Variants in XPO4 observed in about 807,000 individuals in gnomAD.
XPO4 encodes the protein exportin-4.
Under a neutral mutation model 143.0 loss-of-function variants are expected in XPO4, and 39 were observed. The ratio of observed to expected loss-of-function variants is 0.27; its 90% CI spans 0.21 to 0.36. The LOEUF (loss-of-function observed/expected upper bound fraction) is 0.36. Among genes scored for constraint, XPO4 ranks in the 10% least tolerant of loss-of-function variants. The pLI is 1.00. For missense variants in XPO4, 907 were observed against 1,348.0 expected, an observed-to-expected ratio of 0.67 and a Z score of 5.12; for synonymous variants, 439 against 474.0, an observed-to-expected ratio of 0.93 and a Z score of 0.96.
At chr13:20,786,209 G>A (rs1395612314) in intron 22 of XPO4, among the ~76,000 whole-genome samples, 1 of 151,690 alleles carries the variant, frequency 6.6e-6, no homozygotes, top group Non-Finnish European at 1.5e-5. Context: ...TCTTTAAATA[G>A]TATGGAAGAC....
chr13:20,874,785 G>A (rs975011474), intron 1 of XPO4, among the ~76,000 whole-genome samples: 1 of 152,144 alleles, frequency 6.6e-6, no homozygotes, highest in East Asian at 1.9e-4. Context: ...CTGAGGTCAG[G>A]AGTTCGAGAC....
rs2059427892 is a variant in XPO4 at position 20,801,194 on chromosome 13, G to C, written c.1818-204C>G. Reference sequence around the variant, plus strand: ...CGAAGCAGGAGACAAGATAAGGAAAGGAAGAGTCAACACTAGAGATGTCCT... The same window carrying C: ...CGAAGCAGGAGACAAGATAAGGAAACGAAGAGTCAACACTAGAGATGTCCT... On this transcript the variant is annotated intron_variant, in intron 13 of 22. Coordinates refer to ENST00000255305, the MANE Select transcript of XPO4 (RefSeq NM_022459.5). 3.9e-5 allele frequency among the ~76,000 whole-genome samples: 6 copies of C among 152,192 alleles called. No homozygotes were observed. In the South Asian group the frequency reaches 1.0e-3, roughly 26 times the overall value.
chr13:20,871,682 TATC>T (rs1256078664), intron 1 of XPO4, among the ~76,000 whole-genome samples: 2 of 152,230 alleles, frequency 1.3e-5, no homozygotes, highest in African/African-American at 4.8e-5. Context: ...CATTCTTTCT[TATC>T]ATCCTTGAAA....
At chr13:20,817,151 C>T (rs1254757747) in intron 9 of XPO4, among the ~76,000 whole-genome samples, 1 of 152,224 alleles carries the variant, frequency 6.6e-6, no homozygotes, top group Non-Finnish European at 1.5e-5. Flanking sequence ...ACTGTACGGA[C>T]ACAACCATCC....
intron 7 of XPO4, among the ~76,000 whole-genome samples, chr13:20,825,328 G>GAT (rs1466068917): frequency 6.6e-6 from 1 of 152,164 alleles, no homozygotes; most frequent in Non-Finnish European, 1.5e-5. Flanking sequence ...TAGCACAAGT[G>GAT]ATATCCAGTG....
At chr13:20,820,290 T>C (rs1315054619) in intron 9 of XPO4, among the ~76,000 whole-genome samples, 3 of 152,218 alleles carry the variant, frequency 2.0e-5, no homozygotes, top group Admixed American at 6.5e-5. Flanking sequence ...AAGATGTCAG[T>C]GTCCTCAAAT....
intron 9 of XPO4, among the ~76,000 whole-genome samples, chr13:20,818,444 G>A (rs542910210): frequency 8.5e-5 from 13 of 152,178 alleles, no homozygotes; most frequent in Admixed American, 2.0e-4. Flanking sequence ...GCTACACAAC[G>A]TTACCACCAT....
At position 20,866,057 on chromosome 13, in the gene XPO4, T is replaced by A. The variant is rs2138129644; in HGVS notation, c.175+2539A>T. The stretch of plus-strand genomic sequence containing the variant: ...GCCACAAAGTTAGCTCCAGAAGAAG[T>A]AAGCCAATCCCTCACAGTTCTTGAT... On this transcript the variant is annotated intron_variant, in intron 2 of 22. Transcript: ENST00000255305. 3.0e-6 allele frequency: 3 copies of A among 985,408 alleles called. No homozygotes were observed. The African/African-American group carries it at 5.2e-5, about 17-fold the overall frequency. The allele number at this position is 985,408 out of a possible 1,614,324, so 61.0% of individuals were successfully genotyped here. A position where few individuals can be genotyped will look rare whatever the true frequency, so the allele number is the denominator to read the frequency against.
At position 20,803,554 on chromosome 13, in the gene XPO4, T is replaced by C. The variant is rs978789899; in HGVS notation, c.1818-2564A>G. ...CAAGACTACGTAGGAAAATGCTTCC[T>C]AACTTGCCTTGTCACCCTTTAAATT... On this transcript the variant is annotated intron_variant, in intron 13 of 22. Transcript: ENST00000255305. This position sits in a 1 kb window ranked among gnomAD's most constrained non-coding sequence, Gnocchi z 4.1. Among the ~76,000 whole-genome samples the C allele has an allele frequency of 6.6e-6, 1 of 152,206 alleles. No individual in the cohort carries two copies. Among genetic ancestry groups the C allele is most frequent in the African/African-American group, 2.4e-5 (1 of 41,454 alleles).
At chr13:20,841,742 T>C (rs1232347229) in intron 6 of XPO4, among the ~76,000 whole-genome samples, 2 of 152,008 alleles carry the variant, frequency 1.3e-5, no homozygotes, top group Non-Finnish European at 1.5e-5. Context: ...TTAAATGTCA[T>C]AATTTTACCA....
intron 21 of XPO4, 61 bp downstream of exon 21, chr13:20,787,420 T>C (rs932181832): frequency 1.4e-6 from 2 of 1,459,576 alleles, no homozygotes; most frequent in African/African-American, 2.8e-5. Context: ...TGCAGAATTA[T>C]GTGCACCGAC....
At chr13:20,840,701 A>C (rs1169179644) in intron 6 of XPO4, among the ~76,000 whole-genome samples, 1 of 152,164 alleles carries the variant, frequency 6.6e-6, no homozygotes, top group African/African-American at 2.4e-5. Flanking sequence ...GATTTCCCTA[A>C]TGAGTGCTAA....
intron 6 of XPO4, among the ~76,000 whole-genome samples, chr13:20,832,832 T>G (rs1408327454): frequency 2.0e-5 from 3 of 152,134 alleles, no homozygotes; most frequent in Non-Finnish European, 4.4e-5. Flanking sequence ...AAGGTTGGCT[T>G]TACTGGAAAT....
intron 4 of XPO4, among the ~76,000 whole-genome samples, chr13:20,855,126 C>CA (rs2060129312): frequency 1.3e-5 from 2 of 151,970 alleles, no homozygotes; most frequent in African/African-American, 4.8e-5. Flanking sequence ...AACGAAAAAG[C>CA]AAAGTACACT....
rs2060059382 is a variant in XPO4 at position 20,849,174 on chromosome 13, G to A, written c.457-5288C>T. On this transcript the variant is annotated intron_variant, in intron 4 of 22. Coordinates refer to ENST00000255305, the MANE Select transcript of XPO4 (RefSeq NM_022459.5). The stretch of plus-strand genomic sequence containing the variant: ...TTATAATAGCCTGGCTCTTACCCCA[G>A]GAGCTTTATTACCAAGAATAAACTT... 5 of 985,222 alleles carry A rather than the reference G, an allele frequency of 5.1e-6. No individual in the cohort carries two copies. In the African/African-American group the frequency reaches 5.2e-5, roughly 10 times the overall value. 61.0% of individuals were successfully genotyped at this position (985,222 alleles called of 1,614,324 possible).
chr13:20,788,403 A>C, intron 20 of XPO4, 83 bp downstream of exon 20: 1 of 1,531,150 alleles, frequency 6.5e-7, no homozygotes, highest in South Asian at 1.2e-5. Flanking sequence ...AAAAATGAAA[A>C]ATGTAAACTT....
Position 20,827,199 on chromosome 13 carries a change from A to C in XPO4, c.728-20T>G. ...TGCCCAGTTATTTGGTGTCAAGGTCAACAACAATAACATTCTTACTTTGTC... is the reference window on the plus strand; with the variant it reads ...TGCCCAGTTATTTGGTGTCAAGGTCCACAACAATAACATTCTTACTTTGTC... On this transcript the variant is annotated intron_variant, in intron 6 of 22. Transcript: ENST00000255305. 2 of 1,493,656 alleles carry C rather than the reference A, an allele frequency of 1.3e-6. No individual in the cohort carries two copies. Among genetic ancestry groups the C allele is most frequent in the Non-Finnish European group, 1.9e-6 (2 of 1,070,534 alleles). The allele number at this position is 1,493,656 out of a possible 1,614,324, so 92.5% of individuals were successfully genotyped here.
Position 20,808,565 on chromosome 13 carries a change from C to T in XPO4, c.1510G>A (p.Val504Ile), listed in dbSNP as rs531698535. 2 of 1,535,526 alleles carry T rather than the reference C, an allele frequency of 1.3e-6. No individual in the cohort carries two copies. Among genetic ancestry groups the T allele is most frequent in the Admixed American group, 1.7e-5 (1 of 57,552 alleles). ...PLLTSLLEERVTRLHGQLQRH... is the reference protein window; with the variant it reads ...PLLTSLLEERITRLHGQLQRH... ...TGTAACTGACCATGGAGTCTTGTTACTCTTTCTTCTAATAAACTAAAAGAG... is the reference window on the plus strand; with the variant it reads ...TGTAACTGACCATGGAGTCTTGTTATTCTTTCTTCTAATAAACTAAAAGAG... The change falls in exon 12 of 23, where the codon GTA becomes ATA. Residue 504 changes from valine to isoleucine, a missense_variant. Val to Ile is a conservative substitution (Grantham distance 29, BLOSUM62 3). Transcript: ENST00000255305.
At chr13:20,849,021 C>G in intron 4 of XPO4, 2 of 985,382 alleles carry the variant, frequency 2.0e-6, no homozygotes, top group Non-Finnish European at 2.4e-6. Context: ...TAATTTCAAG[C>G]TAGTGAAAAA....
Sources: allele counts gnomAD v4.1 joint callset (sites outside exome capture counted in the v4.1 genomes callset), GRCh38; gene constraint gnomAD v4.1.1; non-coding constraint Gnocchi (gnomAD v3.1); transcripts MANE v1.5; gene names NCBI Gene and HGNC (gene_info 2026-07-23, HGNC 2026-07-21).